Variants in PRKCZ observed in about 807,000 individuals in gnomAD.
PRKCZ encodes the protein protein kinase C zeta.
PRKCZ carries 33 observed loss-of-function variants against 79.5 expected under a neutral mutation model. The observed-to-expected ratio is 0.41, with a 90% CI of 0.31 to 0.55. PRKCZ has a LOEUF of 0.55. PRKCZ is among the 20% of genes least tolerant of loss of function. The pLI is 0.19. For missense variants in PRKCZ, 578 were observed against 813.5 expected (o/e 0.71, Z 3.52); for synonymous variants, 342 against 320.9 (o/e 1.07, Z -0.70).
In PRKCZ at chr1:2,094,730, C is replaced by T. The variant is rs1666157704; in HGVS notation, c.334+35139C>T. Among the ~76,000 whole-genome samples the T allele has an allele frequency of 6.6e-6, 1 of 151,756 alleles. No homozygotes were observed. The highest frequency in any genetic ancestry group is 1.5e-5 in the Non-Finnish European group (1 of 67,920). On this transcript the variant is annotated intron_variant, in intron 4 of 17. Coordinates refer to ENST00000378567, the MANE Select transcript of PRKCZ (RefSeq NM_002744.6). The surrounding 1 kb of genome is among the most constrained non-coding windows in gnomAD (Gnocchi z 7.3). ...CGTTGAACCTTGGGCGCTGCCCGTT[C>T]TGAGGCGCCCGCTGTGCCCGGCTCG...
chr1:2,139,605 A>G (rs1247985901), intron 5 of PRKCZ, among the ~76,000 whole-genome samples: 2 of 152,242 alleles, frequency 1.3e-5, no homozygotes, highest in Non-Finnish European at 2.9e-5. Context: ...ACACAAAACA[A>G]AAACAAAACA....
At chr1:2,051,067 A>C in intron 1 of PRKCZ, 1 of 185,904 alleles carries the variant, frequency 5.4e-6, no homozygotes, top group Non-Finnish European at 1.1e-5. Flanking sequence ...GTTTCTTAAA[A>C]TCAGCGTTTC....
intron 1 of PRKCZ, among the ~76,000 whole-genome samples, chr1:2,052,537 C>T (rs1288004636): frequency 3.3e-5 from 5 of 152,024 alleles, no homozygotes; most frequent in East Asian, 1.9e-4. Context: ...TAGGGCACGT[C>T]TCCCCTCTGG....
Position 2,059,537 on chromosome 1 carries a change from C to G in PRKCZ, c.284-4C>G, listed in dbSNP as rs1328258171. ...GACGCTGTCTCTTTCTCTCTCTTGT[C>G]CAGTTTTCCCGAGCACCCCTGAGCA... On this transcript the variant is annotated splice_polypyrimidine_tract_variant and splice_region_variant and intron_variant, in intron 3 of 17. Transcript: ENST00000378567. The G allele has an allele frequency of 1.2e-6, 2 of 1,614,126 alleles. No individual in the cohort carries two copies. Among genetic ancestry groups the G allele is most frequent in the South Asian group, 1.1e-5 (1 of 91,076 alleles).
At chr1:2,060,643 G>A (rs1177417018) in intron 4 of PRKCZ, among the ~76,000 whole-genome samples, 1 of 152,242 alleles carries the variant, frequency 6.6e-6, no homozygotes, top group Non-Finnish European at 1.5e-5. Context: ...TCAGCCAACC[G>A]GGGTCCCTGC....
At chr1:2,057,943 A>G (rs796261088) in intron 3 of PRKCZ, among the ~76,000 whole-genome samples, 6 of 149,984 alleles carry the variant, frequency 4.0e-5, no homozygotes, top group Non-Finnish European at 7.4e-5. Context: ...TCTCAGCTCA[A>G]TGCAACCTCC....
intron 5 of PRKCZ, among the ~76,000 whole-genome samples, chr1:2,140,660 AAAAAAG>A (rs1677127318): frequency 6.6e-6 from 1 of 151,994 alleles, no homozygotes; most frequent in South Asian, 2.1e-4. Context: ...CCGTCTCAAA[AAAAAAG>A]AAAGAAAATG....
chr1:2,161,908 A>G (rs1046708765), intron 10 of PRKCZ, among the ~76,000 whole-genome samples: 2 of 151,968 alleles, frequency 1.3e-5, no homozygotes, highest in African/African-American at 4.8e-5. Context: ...TTGCTGCTTA[A>G]CTACTAGATA....
chr1:2,070,786 C>T (rs28436888), intron 4 of PRKCZ, among the ~76,000 whole-genome samples: 1,143 of 17,080 alleles, frequency 0.067, 31 homozygotes, highest in African/African-American at 0.15. Flanking sequence ...GTGGGGCTGG[C>T]GGGGGACAGT....
At chr1:2,098,009 G>A (rs922624658) in intron 4 of PRKCZ, among the ~76,000 whole-genome samples, 27 of 152,172 alleles carry the variant, frequency 1.8e-4, no homozygotes, top group Admixed American at 1.5e-3. Flanking sequence ...AGTACGAGCC[G>A]GAGTGGCGGG....
chr1:2,146,394 T>C (rs796494328), intron 7 of PRKCZ, among the ~76,000 whole-genome samples: 5 of 152,308 alleles, frequency 3.3e-5, no homozygotes, highest in African/African-American at 1.2e-4. Context: ...CCTCTTCCTC[T>C]AACCAGCTCC....
intron 1 of PRKCZ, among the ~76,000 whole-genome samples, chr1:2,054,100 G>A (rs927545891): frequency 6.6e-6 from 1 of 152,196 alleles, no homozygotes; most frequent in South Asian, 2.1e-4. Context: ...TTGCACTGGA[G>A]TTCTTGTCTG....
rs937259135 is a variant in PRKCZ at position 2,174,369 on chromosome 1, C to T, written c.1405+353C>T. On this transcript the variant is annotated intron_variant, in intron 14 of 17. Transcript: ENST00000378567. This position sits in a 1 kb window ranked among gnomAD's most constrained non-coding sequence, Gnocchi z 6.2. The stretch of plus-strand genomic sequence containing the variant: ...AAACCCACAGCCACCATCATGGGCT[C>T]CTTCCCACCTGGAGGCCCCGGGACC... Among the ~76,000 whole-genome samples, 7 of 152,232 alleles carry T rather than the reference C, an allele frequency of 4.6e-5. No homozygotes were observed. Among genetic ancestry groups the T allele is most frequent in the South Asian group, 2.1e-4 (1 of 4,836 alleles).
chr1:2,144,408 G>C (rs763064773), intron 6 of PRKCZ, 67 bp downstream of exon 6: 27 of 1,532,180 alleles, frequency 1.8e-5, no homozygotes, highest in Non-Finnish European at 2.4e-5. Flanking sequence ...CCAGCCCATT[G>C]TCCAAGCAGA....
chr1:2,128,233 A>G lies in PRKCZ; in HGVS notation c.335-7029A>G, dbSNP rs1027252387. ...CTGGCTATCTGCATGTGGCTTGACC[A>G]CTGCCTTGCACCCATCCGGGCCCCG... On this transcript the variant is annotated intron_variant, in intron 4 of 17. Coordinates refer to ENST00000378567, the MANE Select transcript of PRKCZ (RefSeq NM_002744.6). This position sits in a 1 kb window ranked among gnomAD's most constrained non-coding sequence, Gnocchi z 6.5. Among the ~76,000 whole-genome samples the G allele has an allele frequency of 1.3e-5, 2 of 152,210 alleles. No individual in the cohort carries two copies. Among genetic ancestry groups the G allele is most frequent in the Admixed American group, 1.3e-4 (2 of 15,292 alleles).
chr1:2,144,636 C>T (rs1316452992), intron 6 of PRKCZ: 1 of 1,214,080 alleles, frequency 8.2e-7, no homozygotes, highest in African/African-American at 1.6e-5. Flanking sequence ...TTCATTCATA[C>T]CCCAGTCTTG....
intron 4 of PRKCZ, among the ~76,000 whole-genome samples, chr1:2,107,851 G>A (rs1188090728): frequency 6.6e-6 from 1 of 151,928 alleles, no homozygotes; most frequent in Non-Finnish European, 1.5e-5. Flanking sequence ...TCCCCCCAGG[G>A]CAGTGTCGAG....
chr1:2,092,037 G>A (rs917981732), intron 4 of PRKCZ, among the ~76,000 whole-genome samples: 1 of 151,968 alleles, frequency 6.6e-6, no homozygotes, highest in East Asian at 1.9e-4. Context: ...CCCAGGAGCC[G>A]GTGGACGAAT....
chr1:2,060,649 C>T (rs1431108811), intron 4 of PRKCZ, among the ~76,000 whole-genome samples: 2 of 152,250 alleles, frequency 1.3e-5, no homozygotes, highest in Admixed American at 1.3e-4. Context: ...AACCGGGGTC[C>T]CTGCACCGTG....
Sources: allele counts gnomAD v4.1 joint callset (sites outside exome capture counted in the v4.1 genomes callset), GRCh38; gene constraint gnomAD v4.1.1; non-coding constraint Gnocchi (gnomAD v3.1); transcripts MANE v1.5; gene names NCBI Gene and HGNC (gene_info 2026-07-23, HGNC 2026-07-21).